The following MBP variants were observed in gnomAD, a reference collection of about 807,000 sequenced individuals.
MBP encodes the protein myelin basic protein.
A neutral mutation model predicts 35.8 loss-of-function variants in MBP; 16 were observed. The ratio of observed to expected loss-of-function variants is 0.45; its 90% CI spans 0.30 to 0.68. The LOEUF (loss-of-function observed/expected upper bound fraction) is 0.68, where lower values mean the gene tolerates loss of function less well. MBP is among the 30% of genes least tolerant of loss of function. The pLI is 0.08. For synonymous variants in MBP, 143 were observed against 159.6 expected, an observed-to-expected ratio of 0.90 and a Z score of 0.78; for missense variants, 380 against 404.7, an observed-to-expected ratio of 0.94 and a Z score of 0.52.
At chr18:77,089,351 G>A (rs1323104462) in intron 2 of MBP, among the ~76,000 whole-genome samples, 1 of 152,248 alleles carries the variant, frequency 6.6e-6, no homozygotes, top group African/African-American at 2.4e-5. Flanking sequence ...CACCAGACCC[G>A]GTTATCCAGG....
intron 8 of MBP, chr18:76,982,968 CAT>C (rs1176115478): frequency 6.6e-6 from 1 of 152,248 alleles, no homozygotes; most frequent in Admixed American, 6.5e-5. Flanking sequence ...TCAGGAAACA[CAT>C]GTGTATAGTA....
At chr18:77,087,831 C>T (rs1421731713) in intron 2 of MBP, among the ~76,000 whole-genome samples, 2 of 152,098 alleles carry the variant, frequency 1.3e-5, no homozygotes, top group East Asian at 3.9e-4. Flanking sequence ...GCACCCCACG[C>T]ACGTGGGCTG....
At chr18:77,039,449 T>A (rs550568394) in intron 3 of MBP, among the ~76,000 whole-genome samples, 3 of 152,090 alleles carry the variant, frequency 2.0e-5, no homozygotes, top group East Asian at 1.9e-4. Flanking sequence ...TAAGGTGGAG[T>A]TAAAGTATGC....
At chr18:76,981,940 G>C (rs1286726027) in intron 8 of MBP, 2 of 152,220 alleles carry the variant, frequency 1.3e-5, no homozygotes, top group South Asian at 4.1e-4. Context: ...GTGCTTCTGT[G>C]CTGAAATGGA....
intron 4 of MBP, among the ~76,000 whole-genome samples, chr18:76,996,386 TA>T (rs1401165680): frequency 1.3e-5 from 2 of 152,178 alleles, no homozygotes; most frequent in Non-Finnish European, 2.9e-5. Context: ...TAAATTTTAA[TA>T]AAAACTTATG....
intron 4 of MBP, among the ~76,000 whole-genome samples, chr18:76,995,915 A>G (rs568119986): frequency 3.3e-5 from 5 of 152,360 alleles, no homozygotes; most frequent in African/African-American, 1.2e-4. Context: ...ACAGACAGGG[A>G]GAAAATATTT....
intron 3 of MBP, among the ~76,000 whole-genome samples, chr18:77,018,617 C>CATCT (rs1382810241): frequency 7.4e-6 from 1 of 135,292 alleles, no homozygotes; most frequent in Non-Finnish European, 1.5e-5. Flanking sequence ...TCCACTCATC[C>CATCT]ATCCATCCAT....
intron 1 of MBP, 35 bp from the exon 2 acceptor site, chr18:77,105,321 T>C: frequency 7.5e-7 from 1 of 1,326,088 alleles, no homozygotes. Context: ...GCCCTAAGTC[T>C]AGTGCTCTTA....
intron 4 of MBP, chr18:77,014,157 A>G (rs1971497197): frequency 1.0e-6 from 1 of 985,446 alleles, no homozygotes; most frequent in South Asian, 4.7e-5. Context: ...TCTCAAAAGA[A>G]TATGCCTTCT....
rs1164641063 is a variant in MBP at position 77,028,742 on chromosome 18, CG to C, written c.140-11475del. Among the ~76,000 whole-genome samples the C allele has an allele frequency of 4.2e-5, 4 of 94,804 alleles. No individual in the cohort carries two copies. In the East Asian group the frequency reaches 9.5e-4, roughly 23 times the overall value. The allele number at this position is 94,804 out of a possible 152,430, so 62.2% of individuals were successfully genotyped here. On this transcript the variant is annotated intron_variant, in intron 3 of 8. Coordinates refer to ENST00000355994, the MANE Select transcript of MBP (RefSeq NM_001025101.2). Reference sequence around the variant, plus strand: ...CTCCCGGACGGGGCGGCTGGCCAGGCGGGGGGCTGATCCCCCCACCTCCCTC... The same window carrying C: ...CTCCCGGACGGGGCGGCTGGCCAGGCGGGGGCTGATCCCCCCACCTCCCTC...
intron 3 of MBP, among the ~76,000 whole-genome samples, chr18:77,036,949 A>G (rs370250303): frequency 0.68 from 31,238 of 45,688 alleles, 12,820 homozygotes; most frequent in Admixed American, 0.79. Context: ...TGCTGGTCAC[A>G]TTTTGGAGAC....
At chr18:77,004,373 A>G (rs1054881750) in intron 4 of MBP, 4 of 152,082 alleles carry the variant, frequency 2.6e-5, no homozygotes, top group Admixed American at 6.5e-5. Context: ...TTTTTTTTAA[A>G]AGCAAGATCA....
chr18:77,133,198 C>G (rs935981380), upstream of MBP, among the ~76,000 whole-genome samples: 3 of 152,188 alleles, frequency 2.0e-5, no homozygotes, highest in Admixed American at 6.5e-5. Flanking sequence ...GGCGCAGCCC[C>G]GGCCCTGCAG....
intron 2 of MBP, among the ~76,000 whole-genome samples, chr18:77,094,004 T>C (rs1164679959): frequency 4.7e-5 from 7 of 147,818 alleles, no homozygotes; most frequent in South Asian, 2.1e-4. Flanking sequence ...TGACACGGAG[T>C]CTCGCTCTGT....
chr18:76,990,536 A>G (rs1327539505), intron 4 of MBP, among the ~76,000 whole-genome samples: 2 of 152,166 alleles, frequency 1.3e-5, no homozygotes, highest in African/African-American at 4.8e-5. Flanking sequence ...AAGATTGGGA[A>G]GATCCTGTCT....
At chr18:77,021,856 G>A (rs1043972893) in intron 3 of MBP, among the ~76,000 whole-genome samples, 2 of 152,100 alleles carry the variant, frequency 1.3e-5, no homozygotes, top group Admixed American at 1.3e-4. Context: ...TATTTCCCGG[G>A]GTCTTTGGCC....
chr18:76,991,326 G>A (rs1024717118), intron 4 of MBP, among the ~76,000 whole-genome samples: 1 of 152,164 alleles, frequency 6.6e-6, no homozygotes, highest in Admixed American at 6.5e-5. Context: ...GATACAGAGT[G>A]GTAAGCACTG....
chr18:77,007,086 C>T (rs185949903), intron 4 of MBP, among the ~76,000 whole-genome samples: 170 of 152,358 alleles, frequency 1.1e-3, no homozygotes, highest in Non-Finnish European at 2.1e-3. Context: ...CACCCAGCTG[C>T]TTCTGTCTCC....
chr18:77,073,586 C>T (rs1974535279), intron 2 of MBP, among the ~76,000 whole-genome samples: 1 of 152,248 alleles, frequency 6.6e-6, no homozygotes, highest in Non-Finnish European at 1.5e-5. Flanking sequence ...ACGCCAGTGC[C>T]CTGCTCCGCA....
Sources: allele counts gnomAD v4.1 joint callset (sites outside exome capture counted in the v4.1 genomes callset), GRCh38; gene constraint gnomAD v4.1.1; transcripts MANE v1.5; gene names NCBI Gene and HGNC (gene_info 2026-07-23, HGNC 2026-07-21).